The following CRYBG1 variants were observed in gnomAD, a reference collection of about 807,000 sequenced individuals.
The protein encoded by CRYBG1 is crystallin beta-gamma domain containing 1, also known as beta/gamma crystallin domain-containing protein 1.
Under a neutral mutation model 189.2 loss-of-function variants are expected in CRYBG1, and 139 were observed. That is an observed-to-expected ratio of 0.73 (90% confidence interval 0.64 to 0.85). The LOEUF is 0.85. Ranked by LOEUF, CRYBG1 falls within the 40% of genes least tolerant of loss-of-function variation. The pLI is 0.00. For synonymous variants in CRYBG1, 1,023 were observed against 1,017.1 expected (o/e 1.01, Z -0.11); for missense variants, 2,611 against 2,675.8 (o/e 0.98, Z 0.53).
At chr6:106,553,011 A>AC (rs1774443742) in intron 15 of CRYBG1, among the ~76,000 whole-genome samples, 1 of 152,226 alleles carries the variant, frequency 6.6e-6, no homozygotes, top group Non-Finnish European at 1.5e-5. Flanking sequence ...AGAGGAACAA[A>AC]CACCACTATA....
chr6:106,557,928 G>T (rs949563922), intron 17 of CRYBG1, among the ~76,000 whole-genome samples: 17 of 151,646 alleles, frequency 1.1e-4, no homozygotes, highest in Non-Finnish European at 2.2e-4. Context: ...CCATCCTGTT[G>T]TTTTTTTTCT....
chr6:106,512,656 G>T lies in CRYBG1; in HGVS notation c.1539G>T (p.Thr513=), dbSNP rs567558913. 6.5e-4 allele frequency: 1,026 copies of T among 1,581,044 alleles called. 12 individuals carry two copies. In the South Asian group the frequency reaches 9.4e-3, roughly 14 times the overall value. The part of the protein sequence containing the change: ...SKQPPPASSP[T]KRKGRSRALE... ...AGCCACCCCCGGCTTCGTCCCCCACGAAGAGGAAGGGCAGGAGCCGTGCCC... is the reference window on the plus strand; with the variant it reads ...AGCCACCCCCGGCTTCGTCCCCCACTAAGAGGAAGGGCAGGAGCCGTGCCC... Residue 513 remains threonine (T), a synonymous_variant, in exon 3 of 22, where the codon ACG becomes ACT. Transcript: ENST00000633556.
chr6:106,567,480 A>C (rs778007076), intron 21 of CRYBG1, among the ~76,000 whole-genome samples: 28 of 152,188 alleles, frequency 1.8e-4, no homozygotes, highest in Non-Finnish European at 3.8e-4. Flanking sequence ...AACCTTTTTC[A>C]TATTTTGTAA....
At chr6:106,412,713 T>TA (rs1262440891) in intron 1 of CRYBG1, among the ~76,000 whole-genome samples, 1 of 152,206 alleles carries the variant, frequency 6.6e-6, no homozygotes, top group African/African-American at 2.4e-5. Flanking sequence ...TGGGAAACAT[T>TA]AAAACAAAGA....
Position 106,511,909 on chromosome 6 carries a change from G to T in CRYBG1, c.792G>T (p.Arg264Ser). 6.6e-7 allele frequency: 1 copy of T among 1,524,182 alleles called. No homozygotes were observed. Among genetic ancestry groups the T allele is most frequent in the South Asian group, 1.2e-5 (1 of 82,976 alleles). The allele number at this position is 1,524,182 out of a possible 1,614,324, so 94.4% of individuals were successfully genotyped here. ...ATTCCTCGCCGGGAAATTCCTCCAG[G>T]CAAGAGAACGCAGAGACGCCCGCCC... ...QLHSSPGNSS[R>S]QENAETPARS... Residue 264 changes from arginine to serine, a missense_variant, in exon 3 of 22, where the codon AGG (arginine) becomes AGT (serine). By Grantham distance (110) the Arg-to-Ser change is moderately radical. This residue lies in a region of CRYBG1 where 985 missense variants were observed against 924.4 expected (regional missense o/e 1.07). Coordinates refer to ENST00000633556, the MANE Select transcript of CRYBG1 (RefSeq NM_001371242.2).
At chr6:106,496,511 ATT>A (rs67623524) in intron 2 of CRYBG1, among the ~76,000 whole-genome samples, 2 of 143,574 alleles carry the variant, frequency 1.4e-5, no homozygotes, top group Admixed American at 1.4e-4. Context: ...CAATTTGCCA[ATT>A]TTTTTTTTTA....
chr6:106,374,628 A>G (rs556670569), intron 1 of CRYBG1, among the ~76,000 whole-genome samples: 22 of 152,236 alleles, frequency 1.4e-4, no homozygotes, highest in South Asian at 4.1e-4. Flanking sequence ...AGGATGAAGA[A>G]TTTATAATTC....
chr6:106,435,285 C>T (rs1453016472), intron 1 of CRYBG1, among the ~76,000 whole-genome samples: 3 of 152,124 alleles, frequency 2.0e-5, no homozygotes, highest in African/African-American at 7.2e-5. Flanking sequence ...CCTCCCACCT[C>T]AGCCTCCCAA....
chr6:106,480,431 G>C (rs954107783), intron 2 of CRYBG1, among the ~76,000 whole-genome samples: 1 of 151,538 alleles, frequency 6.6e-6, no homozygotes, highest in South Asian at 2.1e-4. Flanking sequence ...TTGGGAGGCC[G>C]AGGCAGGCAG....
chr6:106,447,479 G>A (rs1184975126), intron 1 of CRYBG1, among the ~76,000 whole-genome samples: 1 of 151,026 alleles, frequency 6.6e-6, no homozygotes, highest in Non-Finnish European at 1.5e-5. Flanking sequence ...ATGCTTGAGG[G>A]GATGGATGCC....
rs199556877 is a variant in CRYBG1 at position 106,555,790 on chromosome 6, A to G, written c.5608A>G (p.Asn1870Asp). ...GGSWVVYDGE[N>D]FTGNQYVLEE... The stretch of plus-strand genomic sequence containing the variant: ...TAGCTGGGTTGTATATGATGGAGAA[A>G]ATTTCACTGGTAATCAATACGTGTT... Residue 1870 changes from asparagine (N) to aspartate (D), a missense_variant, in exon 17 of 22, where the codon AAT (asparagine) becomes GAT (aspartate). Physicochemically the swap from Asn to Asp is conservative, Grantham distance 23 (BLOSUM62 1). This residue lies in a region of CRYBG1 where 1,622 missense variants were observed against 1,735.0 expected (regional missense o/e 0.93). Transcript: ENST00000633556. 6 of 1,614,114 alleles carry G rather than the reference A, an allele frequency of 3.7e-6. No homozygotes were observed. Among genetic ancestry groups the G allele is most frequent in the East Asian group, 4.5e-5 (2 of 44,882 alleles).
At chr6:106,470,222 G>C (rs566149303) in intron 2 of CRYBG1, among the ~76,000 whole-genome samples, 1 of 152,140 alleles carries the variant, frequency 6.6e-6, no homozygotes, top group Non-Finnish European at 1.5e-5. Context: ...ACTTTGGGAG[G>C]CTGAGGAGGG....
intron 1 of CRYBG1, among the ~76,000 whole-genome samples, chr6:106,437,667 G>T (rs1295228308): frequency 1.3e-5 from 2 of 152,120 alleles, no homozygotes; most frequent in Non-Finnish European, 2.9e-5. Flanking sequence ...GAACTCTTGG[G>T]CTCAATTGAT....
At chr6:106,464,492 C>CAA (rs5878893) in intron 2 of CRYBG1, among the ~76,000 whole-genome samples, 9,920 of 138,598 alleles carry the variant, frequency 0.072, 542 homozygotes, top group African/African-American at 0.17. Flanking sequence ...GACTTTGTCT[C>CAA]AAAAAAAAAA....
At chr6:106,375,625 T>A (rs1056191440) in intron 1 of CRYBG1, among the ~76,000 whole-genome samples, 3 of 152,196 alleles carry the variant, frequency 2.0e-5, no homozygotes, top group Non-Finnish European at 4.4e-5. Flanking sequence ...GCATCACTTG[T>A]TAAATGTCCT....
intron 1 of CRYBG1, among the ~76,000 whole-genome samples, chr6:106,447,802 C>T (rs914477068): frequency 6.6e-6 from 1 of 151,992 alleles, no homozygotes; most frequent in Non-Finnish European, 1.5e-5. Context: ...CCTTAATATC[C>T]TTGAGGGCAG....
intron 2 of CRYBG1, among the ~76,000 whole-genome samples, chr6:106,509,020 A>T (rs1325437049): frequency 6.6e-6 from 1 of 152,242 alleles, no homozygotes; most frequent in South Asian, 2.1e-4. Context: ...TTGCAACATC[A>T]TTGGCAGGAC....
At chr6:106,544,102 C>T (rs1374277809) in intron 11 of CRYBG1, among the ~76,000 whole-genome samples, 1 of 152,202 alleles carries the variant, frequency 6.6e-6, no homozygotes, top group Non-Finnish European at 1.5e-5. Context: ...TACAACCTTG[C>T]TTATTAGAAT....
At chr6:106,550,198 T>C (rs1038600983) in intron 13 of CRYBG1, among the ~76,000 whole-genome samples, 1 of 152,208 alleles carries the variant, frequency 6.6e-6, no homozygotes, top group African/African-American at 2.4e-5. Flanking sequence ...ACCTGGTAAA[T>C]GAATTAACTT....
Sources: gnomAD v4.1 joint callset for allele counts (sites outside exome capture counted in the v4.1 genomes callset) on GRCh38, gnomAD v4.1.1 for gene constraint, gnomAD v4.1.1 regional missense constraint, MANE v1.5 for transcripts, NCBI Gene and HGNC (gene_info 2026-07-23, HGNC 2026-07-21) for gene names.